The following CD8B variants were observed in gnomAD, a reference collection of about 807,000 sequenced individuals.
CD8B encodes the protein CD8 subunit beta, also known as T-cell surface glycoprotein CD8 beta chain.
A neutral mutation model predicts 24.2 loss-of-function variants in CD8B; 6 were observed. The observed-to-expected ratio is 0.25, with a 90% CI of 0.14 to 0.49. CD8B has a LOEUF of 0.49. CD8B is among the 20% of genes least tolerant of loss of function. The pLI, the probability that CD8B is intolerant of heterozygous loss-of-function variation, is 0.98. For missense variants in CD8B, 196 were observed against 271.3 expected, an observed-to-expected ratio of 0.72 and a Z score of 1.95; for synonymous variants, 84 against 108.3, an observed-to-expected ratio of 0.78 and a Z score of 1.39.
downstream of CD8B, among the ~76,000 whole-genome samples, chr2:86,833,314 C>A (rs1674997983): frequency 6.6e-6 from 1 of 151,456 alleles, no homozygotes; most frequent in South Asian, 2.1e-4. Context: ...CTGCCTCAGC[C>A]TCCCGAGTAG....
At chr2:86,857,233 G>T (rs949372638) in intron 2 of CD8B, among the ~76,000 whole-genome samples, 4 of 152,176 alleles carry the variant, frequency 2.6e-5, no homozygotes, top group Admixed American at 1.3e-4. Flanking sequence ...CCCTCACAGA[G>T]AACATAAGGG....
downstream of CD8B, among the ~76,000 whole-genome samples, chr2:86,836,572 G>A (rs948271898): frequency 6.6e-6 from 1 of 152,154 alleles, no homozygotes; most frequent in Admixed American, 6.5e-5. Flanking sequence ...GATCGCTTGA[G>A]CTCAGGAGTT....
At chr2:86,822,159 G>A (rs749839784) in intron 5 of CD8B, among the ~76,000 whole-genome samples, 27 of 152,014 alleles carry the variant, frequency 1.8e-4, no homozygotes, top group Non-Finnish European at 1.3e-4. Context: ...GGGAAAAAGG[G>A]TTTTAAAGTG....
chr2:86,822,052 T>C (rs905312373), intron 5 of CD8B, among the ~76,000 whole-genome samples: 1 of 152,192 alleles, frequency 6.6e-6, no homozygotes, highest in Non-Finnish European at 1.5e-5. Context: ...AGTCCTGCCC[T>C]GACTTGCCCC....
chr2:86,860,458 C>T (rs1182082959), intron 1 of CD8B, among the ~76,000 whole-genome samples: 1 of 152,098 alleles, frequency 6.6e-6, no homozygotes, highest in Non-Finnish European at 1.5e-5. Flanking sequence ...ACCAATAATG[C>T]CAGTTTATTG....
At chr2:86,827,553 C>T (rs1051496379) in intron 5 of CD8B, among the ~76,000 whole-genome samples, 16 of 149,100 alleles carry the variant, frequency 1.1e-4, no homozygotes, top group African/African-American at 3.0e-4. Context: ...GCCCAGGAGG[C>T]AGAGATTGCA....
intron 5 of CD8B, among the ~76,000 whole-genome samples, chr2:86,831,980 A>T (rs1404138025): frequency 6.6e-6 from 1 of 152,220 alleles, no homozygotes; most frequent in Admixed American, 6.5e-5. Flanking sequence ...GGAATTGGCC[A>T]TTGTAATAAC....
At position 86,842,023 on chromosome 2, in the gene CD8B, C is replaced by G; in HGVS notation, c.*284G>C. 4 of 1,181,376 alleles carry G rather than the reference C, an allele frequency of 3.4e-6. No homozygotes were observed. The highest frequency in any genetic ancestry group is 3.1e-6 in the Non-Finnish European group (3 of 952,948). The allele number at this position is 1,181,376 out of a possible 1,614,324, so 73.2% of individuals were successfully genotyped here. A position where few individuals can be genotyped will look rare whatever the true frequency, so the allele number is the denominator to read the frequency against. ...CCCAGTTCAGGGAAAGCACAGGAGCCGGAAGCGGTGGCATGGGCAGCATTT... is the reference window on the plus strand; with the variant it reads ...CCCAGTTCAGGGAAAGCACAGGAGCGGGAAGCGGTGGCATGGGCAGCATTT... On this transcript the variant is annotated 3_prime_UTR_variant, in exon 6 of 6. Transcript: ENST00000390655.
intron 5 of CD8B, among the ~76,000 whole-genome samples, chr2:86,826,824 GTT>G (rs67145087): frequency 0.26 from 37,710 of 143,162 alleles, 5,174 homozygotes; most frequent in Non-Finnish European, 0.33. Flanking sequence ...TGAATTTCTT[GTT>G]TTTTTTTTTT....
At chr2:86,855,331 C>T (rs541547691) in intron 2 of CD8B, among the ~76,000 whole-genome samples, 91 of 152,190 alleles carry the variant, frequency 6.0e-4, no homozygotes, top group Non-Finnish European at 6.5e-4. Context: ...CACTAAGCTC[C>T]AACCATGTGT....
At chr2:86,835,812 T>G (rs1477878742), downstream of CD8B, among the ~76,000 whole-genome samples, 1 of 147,784 alleles carries the variant, frequency 6.8e-6, no homozygotes. Context: ...CCTCTGCTTG[T>G]GTTGGTATCA....
rs539876702 is a variant in CD8B at position 86,861,827 on chromosome 2, C to T, written c.39G>A (p.Leu13=). The change falls in exon 1 of 6, where the codon CTG becomes CTA. Residue 13 remains leucine (L), a synonymous_variant. Transcript: ENST00000390655. Reference sequence around the variant, plus strand: ...GCCCGCGCGCCGCCGCCTTACCTGTCAGCTGCGCGGCCAAGAGGAGCCACA... The same window carrying T: ...GCCCGCGCGCCGCCGCCTTACCTGTTAGCTGCGCGGCCAAGAGGAGCCACA... ...PRLWLLLAAQ[L]TVLHGNSVLQ... 2.6e-5 allele frequency: 33 copies of T among 1,280,902 alleles called. No homozygotes were observed. In the Admixed American group the frequency reaches 3.2e-4, roughly 12 times the overall value. The allele number at this position is 1,280,902 out of a possible 1,614,324, so 79.3% of individuals were successfully genotyped here. A position where few individuals can be genotyped will look rare whatever the true frequency, so the allele number is the denominator to read the frequency against.
At chr2:86,817,043 C>T (rs1018809034) in intron 5 of CD8B, among the ~76,000 whole-genome samples, 12 of 152,048 alleles carry the variant, frequency 7.9e-5, no homozygotes, top group African/African-American at 2.7e-4. Flanking sequence ...GTGACCAAGC[C>T]AATATCCAAA....
chr2:86,848,169 C>A (rs1244392674), intron 3 of CD8B, among the ~76,000 whole-genome samples: 2 of 152,184 alleles, frequency 1.3e-5, no homozygotes, highest in African/African-American at 2.4e-5. Flanking sequence ...ACAGACTTTG[C>A]CCATTTTAAA....
chr2:86,848,728 A>ATTTATTTC (rs1280496374), intron 3 of CD8B, among the ~76,000 whole-genome samples: 1 of 104,686 alleles, frequency 9.6e-6, no homozygotes, highest in African/African-American at 3.7e-5. Flanking sequence ...TTATTTATTT[A>ATTTATTTC]TTTTTGAGAC....
chr2:86,833,646 T>C (rs1227300640), downstream of CD8B, among the ~76,000 whole-genome samples: 22 of 94,934 alleles, frequency 2.3e-4, no homozygotes, highest in Non-Finnish European at 3.1e-4. Context: ...CCTCCCTTCC[T>C]TCCTTCCTTC....
intron 2 of CD8B, among the ~76,000 whole-genome samples, chr2:86,856,637 G>A (rs576640431): frequency 1.3e-3 from 200 of 151,972 alleles, no homozygotes; most frequent in African/African-American, 4.7e-3. Context: ...AAGCAGGGCA[G>A]TGGGAGCCCT....
At chr2:86,819,302 A>G (rs948571987) in intron 5 of CD8B, among the ~76,000 whole-genome samples, 30 of 152,230 alleles carry the variant, frequency 2.0e-4, no homozygotes, top group Non-Finnish European at 3.7e-4. Flanking sequence ...CAGATTTTCA[A>G]TGTAGACAAA....
At chr2:86,848,995 G>A (rs1222059493) in intron 3 of CD8B, among the ~76,000 whole-genome samples, 3 of 151,636 alleles carry the variant, frequency 2.0e-5, no homozygotes, top group African/African-American at 4.8e-5. Flanking sequence ...GGGATTACAG[G>A]TGTGAGCCAC....
Sources: allele counts gnomAD v4.1 joint callset (sites outside exome capture counted in the v4.1 genomes callset), GRCh38; gene constraint gnomAD v4.1.1; transcripts MANE v1.5; gene names NCBI Gene and HGNC (gene_info 2026-07-23, HGNC 2026-07-21).